DENND5B: variants seen among roughly 807,000 people sequenced by gnomAD.
DENND5B encodes DENN domain-containing protein 5B.
DENND5B carries 34 observed loss-of-function variants against 140.6 expected under a neutral mutation model. The observed-to-expected ratio is 0.24, with a 90% CI of 0.18 to 0.32. DENND5B has a LOEUF of 0.32. Ranked by LOEUF, DENND5B falls within the 10% of genes least tolerant of loss-of-function variation. The pLI, the probability that DENND5B is intolerant of heterozygous loss-of-function variation, is 1.00. For missense variants in DENND5B, 1,142 were observed against 1,560.2 expected (o/e 0.73, Z 4.52); for synonymous variants, 551 against 562.1 (o/e 0.98, Z 0.28).
At position 31,485,703 on chromosome 12, in the gene DENND5B, C is replaced by T. The variant is rs1263867683; in HGVS notation, c.238-5448G>A. 3.4e-5 allele frequency among the ~76,000 whole-genome samples: 5 copies of T among 148,368 alleles called. No homozygotes were observed. In the Admixed American group the frequency reaches 3.4e-4, roughly 10 times the overall value. Reference sequence around the variant, plus strand: ...GACAAGTGACAGAGTGACTTTTGAGCAGAGGCTAAAAAAGGCAATACAGCT... The same window carrying T: ...GACAAGTGACAGAGTGACTTTTGAGTAGAGGCTAAAAAAGGCAATACAGCT... On this transcript the variant is annotated intron_variant, in intron 2 of 20. Transcript: ENST00000389082.
intron 1 of DENND5B, among the ~76,000 whole-genome samples, chr12:31,522,411 G>C (rs888268474): frequency 6.6e-6 from 1 of 152,118 alleles, no homozygotes; most frequent in Admixed American, 6.5e-5. Context: ...ATATCAAAGA[G>C]GTTCTAACTA....
intron 14 of DENND5B, among the ~76,000 whole-genome samples, chr12:31,407,774 A>C (rs1278962994): frequency 3.9e-5 from 6 of 152,214 alleles, no homozygotes; most frequent in African/African-American, 1.4e-4. Flanking sequence ...AAAGACAATG[A>C]GCCTGGGTCC....
At chr12:31,421,998 G>GTA (rs1229612081) in intron 11 of DENND5B, among the ~76,000 whole-genome samples, 5 of 152,164 alleles carry the variant, frequency 3.3e-5, no homozygotes, top group African/African-American at 1.2e-4. Flanking sequence ...CCAGGGCAAT[G>GTA]TAGTCAGCTT....
chr12:31,533,744 G>C (rs940378524), intron 1 of DENND5B, among the ~76,000 whole-genome samples: 8 of 152,200 alleles, frequency 5.3e-5, no homozygotes, highest in African/African-American at 1.9e-4. Context: ...ATCACATGTA[G>C]GTTGACCAGG....
intron 2 of DENND5B, among the ~76,000 whole-genome samples, chr12:31,490,767 T>A (rs553852877): frequency 2.0e-5 from 3 of 152,336 alleles, no homozygotes; most frequent in Admixed American, 1.3e-4. Flanking sequence ...TATAGCCCTT[T>A]TTCCTTTTAC....
At chr12:31,584,951 G>A (rs180795206) in intron 1 of DENND5B, among the ~76,000 whole-genome samples, 192 of 152,066 alleles carry the variant, frequency 1.3e-3, no homozygotes, top group African/African-American at 4.4e-3. Flanking sequence ...TTCCTCTCAT[G>A]GCAGAAGGCT....
chr12:31,464,292 T>C (rs1449369539), intron 3 of DENND5B, among the ~76,000 whole-genome samples: 1 of 152,168 alleles, frequency 6.6e-6, no homozygotes, highest in Non-Finnish European at 1.5e-5. Flanking sequence ...GTATATTGTT[T>C]TCCTCTGCCC....
intron 13 of DENND5B, 104 bp downstream of exon 13, chr12:31,413,332 G>C (rs1565554971): frequency 1.4e-6 from 2 of 1,387,074 alleles, no homozygotes; most frequent in Non-Finnish European, 2.0e-6. Context: ...ATGTGCACAG[G>C]ATACAGCACT....
At chr12:31,552,046 T>C (rs1443777240) in intron 1 of DENND5B, among the ~76,000 whole-genome samples, 4 of 152,166 alleles carry the variant, frequency 2.6e-5, no homozygotes, top group Non-Finnish European at 5.9e-5. Context: ...CCTAATTGAA[T>C]ACCCTTTATT....
chr12:31,413,609 C>A (rs1565555355), intron 12 of DENND5B, 45 bp from the exon 13 acceptor site: 1 of 1,579,542 alleles, frequency 6.3e-7, no homozygotes, highest in Non-Finnish European at 8.6e-7. Flanking sequence ...TTAAGGATAA[C>A]CCTGACTAGA....
chr12:31,452,261 A>G lies in DENND5B; in HGVS notation c.1308T>C (p.Asn436=), dbSNP rs528864685. 2.5e-6 allele frequency: 4 copies of G among 1,613,946 alleles called. No individual in the cohort carries two copies. Among genetic ancestry groups the G allele is most frequent in the East Asian group, 2.2e-5 (1 of 44,880 alleles). ...ACATGCTGATGTTATTAGTACAGACATTGCCGTTCTTTTTGTCATTGACCA... is the reference window on the plus strand; with the variant it reads ...ACATGCTGATGTTATTAGTACAGACGTTGCCGTTCTTTTTGTCATTGACCA... ...KDLVNDKKNG[N]VCTNNISMYE... Residue 436 remains asparagine, a synonymous_variant, in exon 5 of 21, where the codon AAT becomes AAC. Transcript: ENST00000389082.
chr12:31,482,917 T>C (rs1288549464), intron 2 of DENND5B, among the ~76,000 whole-genome samples: 1 of 152,254 alleles, frequency 6.6e-6, no homozygotes, highest in Non-Finnish European at 1.5e-5. Flanking sequence ...GCTGATGTCC[T>C]TATAATGGCC....
At chr12:31,407,696 G>A (rs921480298) in intron 14 of DENND5B, among the ~76,000 whole-genome samples, 4 of 152,108 alleles carry the variant, frequency 2.6e-5, no homozygotes, top group Non-Finnish European at 5.9e-5. Context: ...CCTGCTGGAA[G>A]GTATGCTGAG....
chr12:31,426,572 CT>C (rs1943246672), intron 8 of DENND5B, 148 bp from the exon 9 acceptor site: 2 of 928,252 alleles, frequency 2.2e-6, no homozygotes, highest in Non-Finnish European at 3.1e-6. Context: ...TTTTAGTGTA[CT>C]AAAAGACAGA....
intron 17 of DENND5B, among the ~76,000 whole-genome samples, chr12:31,395,061 T>C (rs1420802533): frequency 6.6e-6 from 1 of 152,174 alleles, no homozygotes; most frequent in Non-Finnish European, 1.5e-5. Flanking sequence ...TTGATGTATA[T>C]TGGGGTTGTT....
At chr12:31,500,470 A>T in intron 1 of DENND5B, 1 of 436,652 alleles carries the variant, frequency 2.3e-6, no homozygotes, top group Non-Finnish European at 4.5e-6. Flanking sequence ...GCTTGAGGTC[A>T]GGAGTTCGAG....
chr12:31,408,066 C>G (rs560770631), intron 14 of DENND5B, among the ~76,000 whole-genome samples: 2 of 152,234 alleles, frequency 1.3e-5, no homozygotes, highest in Non-Finnish European at 2.9e-5. Flanking sequence ...GAGGTTGAGG[C>G]GGATGGATCA....
At chr12:31,460,084 G>C in intron 4 of DENND5B, 110 bp downstream of exon 4, 2 of 1,060,760 alleles carry the variant, frequency 1.9e-6, no homozygotes, top group Non-Finnish European at 1.3e-6. Flanking sequence ...GGAGATTTAG[G>C]AGAGTCAAAG....
In DENND5B at chr12:31,501,206, C is replaced by T. The variant is rs1016424401; in HGVS notation, c.128-5287G>A. 3.3e-5 allele frequency among the ~76,000 whole-genome samples: 5 copies of T among 152,324 alleles called. No homozygotes were observed. In the South Asian group the frequency reaches 6.2e-4, roughly 19 times the overall value. On this transcript the variant is annotated intron_variant, in intron 1 of 20. Coordinates refer to ENST00000389082, the MANE Select transcript of DENND5B (RefSeq NM_144973.4). ...AATTATGGGGTTGGTTACCTCCATG[C>T]TGTCCTTGGGATAGTGAGTTCTCAC...
Sources: gnomAD v4.1 joint callset for allele counts (sites outside exome capture counted in the v4.1 genomes callset) on GRCh38, gnomAD v4.1.1 for gene constraint, MANE v1.5 for transcripts, NCBI Gene and HGNC (gene_info 2026-07-23, HGNC 2026-07-21) for gene names.